Variants in PRPH2 observed in about 807,000 individuals in gnomAD.
PRPH2 encodes peripherin-2.
Under a neutral mutation model 31.3 loss-of-function variants are expected in PRPH2, and 17 were observed. The ratio of observed to expected loss-of-function variants is 0.54; its 90% CI spans 0.37 to 0.81. The LOEUF (loss-of-function observed/expected upper bound fraction) is 0.81. Ranked by LOEUF, PRPH2 falls within the 40% of genes least tolerant of loss-of-function variation. PRPH2 has a pLI of 0.00. For synonymous variants in PRPH2, 165 were observed against 184.4 expected, an observed-to-expected ratio of 0.89 and a Z score of 0.85; for missense variants, 430 against 439.7, an observed-to-expected ratio of 0.98 and a Z score of 0.20.
At chr6:42,717,862 G>A (rs764926115) in intron 1 of PRPH2, among the ~76,000 whole-genome samples, 19 of 152,246 alleles carry the variant, frequency 1.2e-4, no homozygotes, top group Admixed American at 2.6e-4. Flanking sequence ...GCCTTGTTCA[G>A]TGATCATGTA....
chr6:42,711,921 G>T, intron 1 of PRPH2: 1 of 985,408 alleles, frequency 1.0e-6, no homozygotes, highest in Non-Finnish European at 1.2e-6. Flanking sequence ...AGACACTGCA[G>T]CTCTGCTCAT....
Position 42,702,587 on chromosome 6 carries a change from C to A in PRPH2, c.828+1778G>T, listed in dbSNP as rs75792887. On this transcript the variant is annotated intron_variant, in intron 2 of 2. Coordinates refer to ENST00000230381, the MANE Select transcript of PRPH2 (RefSeq NM_000322.5). ...CATGTTTAAGAAATATCTCTGACCA[C>A]GTGTGGTGGCTCACGCCTGTAATCC... Among the ~76,000 whole-genome samples, 4 of 146,176 alleles carry A rather than the reference C, an allele frequency of 2.7e-5. No individual in the cohort carries two copies. The Admixed American group carries it at 2.8e-4, about 10-fold the overall frequency.
At chr6:42,700,572 A>G (rs1405208490) in intron 2 of PRPH2, among the ~76,000 whole-genome samples, 3 of 152,208 alleles carry the variant, frequency 2.0e-5, no homozygotes, top group Non-Finnish European at 4.4e-5. Flanking sequence ...GCTATTGTCA[A>G]CTGGAAGTTG....
intron 1 of PRPH2, among the ~76,000 whole-genome samples, chr6:42,717,510 T>C (rs1405268684): frequency 2.0e-5 from 3 of 152,060 alleles, no homozygotes; most frequent in Non-Finnish European, 4.4e-5. Context: ...GCTGCCGAGA[T>C]AATCCAGAAG....
At chr6:42,716,417 A>T (rs1449938099) in intron 1 of PRPH2, among the ~76,000 whole-genome samples, 1 of 150,252 alleles carries the variant, frequency 6.7e-6, no homozygotes, top group Non-Finnish European at 1.5e-5. Context: ...TAAGAAAAGA[A>T]TTTTTTTTCT....
chr6:42,713,171 G>C (rs1442862554), intron 1 of PRPH2, among the ~76,000 whole-genome samples: 1 of 151,546 alleles, frequency 6.6e-6, no homozygotes, highest in Non-Finnish European at 1.5e-5. Context: ...GTTGCAGTGA[G>C]CCGACATGGT....
At chr6:42,709,911 G>A (rs1197909253) in intron 1 of PRPH2, among the ~76,000 whole-genome samples, 1 of 152,192 alleles carries the variant, frequency 6.6e-6, no homozygotes, top group East Asian at 1.9e-4. Flanking sequence ...GTGGCCCTAA[G>A]GTGGAGCAAA....
In PRPH2 at chr6:42,719,788, C is replaced by T. The variant is rs192150925; in HGVS notation, c.581+1966G>A. The stretch of plus-strand genomic sequence containing the variant: ...TTCTCCGTGTTGGTCAGGCTGGTCT[C>T]GAACTCCTGAACTCAGGTGATCCGC... On this transcript the variant is annotated intron_variant, in intron 1 of 2. Coordinates refer to ENST00000230381, the MANE Select transcript of PRPH2 (RefSeq NM_000322.5). 4.4e-3 allele frequency among the ~76,000 whole-genome samples: 670 copies of T among 151,560 alleles called. 2 individuals are homozygous for T. Among genetic ancestry groups the T allele is most frequent in the African/African-American group, 0.013 (550 of 41,282 alleles).
Position 42,698,334 on chromosome 6 carries a change from G to A in PRPH2, c.1002C>T (p.Ala334=), listed in dbSNP as rs142381301. ...GGGCCTGGCCTGCGTCTGCGCCCTCGGCTTCCACCTGGTTGCCCTTGCCCA... is the reference window on the plus strand; with the variant it reads ...GGGCCTGGCCTGCGTCTGCGCCCTCAGCTTCCACCTGGTTGCCCTTGCCCA... ...KKLGKGNQVE[A]EGADAGQAPE... is the part of the protein sequence containing the mutation. Residue 334 remains alanine (A), a synonymous_variant, in exon 3 of 3, where the codon GCC becomes GCT. Transcript: ENST00000230381. The A allele has an allele frequency of 3.9e-5, 63 of 1,613,748 alleles. No homozygotes were observed. In the African/African-American group the frequency reaches 5.6e-4, roughly 14 times the overall value.
chr6:42,712,838 T>G (rs1761693174), intron 1 of PRPH2, among the ~76,000 whole-genome samples: 3 of 152,164 alleles, frequency 2.0e-5, no homozygotes, highest in Admixed American at 2.0e-4. Flanking sequence ...TACATGAGAA[T>G]TAATTATAAT....
Position 42,704,234 on chromosome 6 carries a change from G to A in PRPH2, c.828+131C>T, listed in dbSNP as rs1425853410. 2.4e-6 allele frequency: 3 copies of A among 1,232,866 alleles called. No homozygotes were observed. In the Admixed American group the frequency reaches 6.0e-5, roughly 25 times the overall value. 76.4% of individuals were successfully genotyped at this position (1,232,866 alleles called of 1,614,324 possible). ...GTGGGGTTCAAGCCCAGACTGATCT[G>A]ACCCACAGCTCCACTGAAGGCTGTT... On this transcript the variant is annotated intron_variant, in intron 2 of 2. Transcript: ENST00000230381.
intron 1 of PRPH2, among the ~76,000 whole-genome samples, chr6:42,713,220 A>G (rs1172999868): frequency 7.1e-6 from 1 of 141,072 alleles, no homozygotes; most frequent in Non-Finnish European, 1.6e-5. Flanking sequence ...GTGAAACTCC[A>G]TCTCAAAAAA....
At chr6:42,712,340 C>G (rs1761681789) in intron 1 of PRPH2, among the ~76,000 whole-genome samples, 2 of 152,152 alleles carry the variant, frequency 1.3e-5, no homozygotes, top group Non-Finnish European at 2.9e-5. Flanking sequence ...TGAACATAGA[C>G]TGGGTATTGA....
rs371865094 is a variant in PRPH2 at position 42,714,732 on chromosome 6, G to T, written c.581+7022C>A. Among the ~76,000 whole-genome samples, 115 of 152,172 alleles carry T rather than the reference G, an allele frequency of 7.6e-4. 1 individual carries two copies. The highest frequency in any genetic ancestry group is 2.7e-3 in the African/African-American group (112 of 41,522). ...GGGGTTTCACTATGTTGCCCATGCTGGTATCGAACCCCTGGGCTCAAGTGA... is the reference window on the plus strand; with the variant it reads ...GGGGTTTCACTATGTTGCCCATGCTTGTATCGAACCCCTGGGCTCAAGTGA... On this transcript the variant is annotated intron_variant, in intron 1 of 2. Transcript: ENST00000230381.
intron 1 of PRPH2, among the ~76,000 whole-genome samples, chr6:42,716,610 TG>T (rs1487790348): frequency 4.4e-4 from 37 of 84,934 alleles, no homozygotes; most frequent in African/African-American, 1.6e-3. Flanking sequence ...TTGGTTTGGT[TG>T]GTTTTTTTTT....
intron 1 of PRPH2, among the ~76,000 whole-genome samples, chr6:42,715,643 C>T (rs971842576): frequency 6.6e-6 from 1 of 152,104 alleles, no homozygotes; most frequent in Non-Finnish European, 1.5e-5. Flanking sequence ...TGCACTTCAG[C>T]CTGGGTGACA....
rs746742888 is a variant in PRPH2, at chr6:42,698,399, G to A, written c.937C>T (p.Pro313Ser). 20 of 1,613,842 alleles carry A rather than the reference G, an allele frequency of 1.2e-5. 1 individual carries two copies. In the South Asian group the frequency reaches 2.2e-4, roughly 18 times the overall value. ...SQGWLLERSV[P>S]ETWKAFLESV... ...TCCAGAAAGGCCTTCCAGGTCTCCGGCACGCTCCTCTCCAGCAGCCAGCCC... is the reference window on the plus strand; with the variant it reads ...TCCAGAAAGGCCTTCCAGGTCTCCGACACGCTCCTCTCCAGCAGCCAGCCC... Residue 313 changes from proline to serine, a missense_variant, in exon 3 of 3, where the codon CCG (proline) becomes TCG (serine). Pro to Ser is a moderately conservative substitution (Grantham distance 74). Transcript: ENST00000230381.
At chr6:42,716,651 G>A (rs1289203495) in intron 1 of PRPH2, among the ~76,000 whole-genome samples, 22 of 127,728 alleles carry the variant, frequency 1.7e-4, no homozygotes, top group Admixed American at 5.5e-4. Context: ...ATGAAGTTTC[G>A]CTCTTGTTGC....
At chr6:42,706,607 G>GA (rs34069760) in intron 1 of PRPH2, among the ~76,000 whole-genome samples, 78,920 of 149,518 alleles carry the variant, frequency 0.53, 20,980 homozygotes, top group African/African-American at 0.58. Context: ...AGAAAGAAAG[G>GA]AAAAAGAAAA....
Sources: gnomAD v4.1 joint callset for allele counts (sites outside exome capture counted in the v4.1 genomes callset) on GRCh38, gnomAD v4.1.1 for gene constraint, MANE v1.5 for transcripts, NCBI Gene and HGNC (gene_info 2026-07-23, HGNC 2026-07-21) for gene names.